Variants in MMP26 observed in about 807,000 individuals in gnomAD.
The protein encoded by MMP26 is matrix metallopeptidase 26.
Under a neutral mutation model 31.0 loss-of-function variants are expected in MMP26, and 33 were observed. That is an observed-to-expected ratio of 1.06 (90% CI 0.81 to 1.42). The LOEUF is 1.42. Among genes scored for constraint, MMP26 ranks in the 40% most tolerant of loss-of-function variants. The probability of loss-of-function intolerance (pLI) is 0.00; values close to 1 mark genes in which losing one functional copy is unlikely to be tolerated. For synonymous variants in MMP26, 122 were observed against 114.9 expected, an observed-to-expected ratio of 1.06 and a Z score of -0.40; for missense variants, 347 against 316.1, an observed-to-expected ratio of 1.10 and a Z score of -0.74.
chr11:4,860,264 T>C (rs991970904), intron 2 of MMP26: 6 of 471,210 alleles, frequency 1.3e-5, no homozygotes, highest in Non-Finnish European at 2.6e-5. Context: ...AACATCTGCA[T>C]GATGCATGCA....
At chr11:4,942,991 A>G (rs1406038891) in intron 2 of MMP26, 1 of 152,310 alleles carries the variant, frequency 6.6e-6, no homozygotes, top group Non-Finnish European at 1.5e-5. Flanking sequence ...GTAGTTGTCT[A>G]CTTTAAAAAT....
At chr11:4,808,760 C>T (rs1589907448) in intron 2 of MMP26, among the ~76,000 whole-genome samples, 5 of 142,438 alleles carry the variant, frequency 3.5e-5, no homozygotes, top group African/African-American at 7.8e-5. Context: ...CTCAGATTTT[C>T]TTTTTTTTTT....
intron 2 of MMP26, among the ~76,000 whole-genome samples, chr11:4,891,551 C>T (rs1443294863): frequency 6.6e-6 from 1 of 152,140 alleles, no homozygotes; most frequent in African/African-American, 2.4e-5. Context: ...AGGCTCTGAG[C>T]TTCTAAAGCT....
chr11:4,958,804 T>C (rs560675774), intron 2 of MMP26, among the ~76,000 whole-genome samples: 51 of 152,336 alleles, frequency 3.3e-4, no homozygotes, highest in African/African-American at 1.2e-3. Context: ...CCTTGCTTAG[T>C]TTGATTTCTG....
At chr11:4,726,388 G>C (rs1848100362) in intron 1 of MMP26, among the ~76,000 whole-genome samples, 2 of 152,006 alleles carry the variant, frequency 1.3e-5, no homozygotes, top group South Asian at 4.2e-4. Context: ...CTCGAACCCG[G>C]GAGACGGAGG....
rs538168921 is a variant in MMP26, at chr11:4,732,609, G to A, written c.-217+27564G>A. ...AGAAGCACCCTATCCAGAAGCAGTC[G>A]CACCTCATTGCTCTCCATCCCTCTC... On this transcript the variant is annotated intron_variant, in intron 1 of 7. Coordinates refer to ENST00000380390, the MANE Select transcript of MMP26 (RefSeq NM_021801.5). Among the ~76,000 whole-genome samples, 17 of 150,196 alleles carry A rather than the reference G, an allele frequency of 1.1e-4. No homozygotes were observed. In the East Asian group the frequency reaches 2.3e-3, roughly 21 times the overall value.
At chr11:4,937,096 C>T (rs1453157648) in intron 2 of MMP26, among the ~76,000 whole-genome samples, 3 of 152,130 alleles carry the variant, frequency 2.0e-5, no homozygotes, top group Admixed American at 6.6e-5. Context: ...AAGCAGGAAG[C>T]AGATGCTTCC....
intron 2 of MMP26, chr11:4,863,776 C>A (rs1319024762): frequency 6.6e-6 from 1 of 152,166 alleles, no homozygotes; most frequent in African/African-American, 2.4e-5. Context: ...CTCCCATGAA[C>A]GGTGTTATGT....
chr11:4,902,175 G>C (rs1850812600), intron 2 of MMP26, among the ~76,000 whole-genome samples: 1 of 152,002 alleles, frequency 6.6e-6, no homozygotes, highest in Non-Finnish European at 1.5e-5. Context: ...CTTTCCTCTG[G>C]GTACTATTAC....
At chr11:4,886,366 A>G (rs1245319317) in intron 2 of MMP26, among the ~76,000 whole-genome samples, 2 of 152,042 alleles carry the variant, frequency 1.3e-5, no homozygotes, top group Non-Finnish European at 2.9e-5. Context: ...TAAGTCTTTA[A>G]CTTCCTAACC....
chr11:4,750,971 G>A (rs1378527050), intron 1 of MMP26, among the ~76,000 whole-genome samples: 1 of 151,970 alleles, frequency 6.6e-6, no homozygotes, highest in African/African-American at 2.4e-5. Flanking sequence ...ACCAAACGGG[G>A]ACAACTTTCT....
At chr11:4,930,004 C>T (rs762205303) in intron 2 of MMP26, among the ~76,000 whole-genome samples, 1 of 151,934 alleles carries the variant, frequency 6.6e-6, no homozygotes, top group Non-Finnish European at 1.5e-5. Flanking sequence ...CAAAAATGTA[C>T]TTGGAATAAT....
At chr11:4,883,098 AT>A (rs1454706532) in intron 2 of MMP26, among the ~76,000 whole-genome samples, 15 of 152,170 alleles carry the variant, frequency 9.9e-5, no homozygotes, top group African/African-American at 3.6e-4. Flanking sequence ...TCCCTGAACC[AT>A]TTTAAACAAT....
At chr11:4,858,105 C>G (rs560384560) in intron 2 of MMP26, among the ~76,000 whole-genome samples, 13 of 152,076 alleles carry the variant, frequency 8.5e-5, no homozygotes, top group Middle Eastern at 3.4e-3. Flanking sequence ...TATGACAGAC[C>G]CAGAGTCAAT....
At chr11:4,842,345 A>T (rs1849807726) in intron 2 of MMP26, among the ~76,000 whole-genome samples, 1 of 152,198 alleles carries the variant, frequency 6.6e-6, no homozygotes, top group Admixed American at 6.5e-5. Context: ...GCTATAAAGA[A>T]TTACCTGAAA....
chr11:4,798,031 T>C (rs778774536), intron 2 of MMP26, among the ~76,000 whole-genome samples: 1 of 152,258 alleles, frequency 6.6e-6, no homozygotes, highest in Non-Finnish European at 1.5e-5. Context: ...TGAAATGCAG[T>C]GATGCATTTT....
chr11:4,779,319 T>C (rs921779436), intron 2 of MMP26, among the ~76,000 whole-genome samples: 8 of 152,120 alleles, frequency 5.3e-5, no homozygotes, highest in South Asian at 2.1e-4. Context: ...AATAATGTAG[T>C]TTTTCTCTTT....
intron 1 of MMP26, among the ~76,000 whole-genome samples, chr11:4,724,596 A>G (rs1257777720): frequency 6.6e-6 from 1 of 152,214 alleles, no homozygotes; most frequent in African/African-American, 2.4e-5. Flanking sequence ...TTATACCCCA[A>G]TATTTTGGAG....
chr11:4,840,080 G>C (rs1364246294), intron 2 of MMP26, among the ~76,000 whole-genome samples: 1 of 152,114 alleles, frequency 6.6e-6, no homozygotes, highest in Non-Finnish European at 1.5e-5. Context: ...TACAGGATGA[G>C]GGTCCTTTGC....
Sources: allele counts gnomAD v4.1 joint callset (sites outside exome capture counted in the v4.1 genomes callset), GRCh38; gene constraint gnomAD v4.1.1; transcripts MANE v1.5; gene names NCBI Gene and HGNC (gene_info 2026-07-23, HGNC 2026-07-21).